The following ESRRB variants were observed in gnomAD, a reference collection of about 807,000 sequenced individuals.
ESRRB encodes estrogen related receptor beta.
In ESRRB, 16 loss-of-function variants were observed where a neutral mutation model predicts 46.0. The observed-to-expected ratio is 0.35, with a 90% confidence interval of 0.24 to 0.53. The LOEUF (loss-of-function observed/expected upper bound fraction) is 0.53, where lower values mean the gene tolerates loss of function less well. ESRRB is among the 20% of genes least tolerant of loss of function. The pLI is 0.93. For synonymous variants in ESRRB, 246 were observed against 259.6 expected (o/e 0.95, Z 0.50); for missense variants, 488 against 607.4 (o/e 0.80, Z 2.07).
At chr14:76,477,602 C>A (rs555596131) in intron 3 of ESRRB, among the ~76,000 whole-genome samples, 1 of 152,110 alleles carries the variant, frequency 6.6e-6, no homozygotes, top group African/African-American at 2.4e-5. Context: ...GGGCATGGGA[C>A]CTTCATTATC....
chr14:76,453,149 G>T (rs565746690), intron 2 of ESRRB, among the ~76,000 whole-genome samples: 1 of 152,364 alleles, frequency 6.6e-6, no homozygotes, highest in Non-Finnish European at 1.5e-5. Context: ...GTGTTCGAGA[G>T]AAAGCTCTTT....
At chr14:76,392,490 G>T (rs1885509492) in intron 1 of ESRRB, among the ~76,000 whole-genome samples, 1 of 152,224 alleles carries the variant, frequency 6.6e-6, no homozygotes, top group Admixed American at 6.5e-5. Flanking sequence ...TGGCGCAGTG[G>T]ATCCACTTGA....
intron 1 of ESRRB, among the ~76,000 whole-genome samples, chr14:76,404,911 A>C (rs1886110524): frequency 6.6e-6 from 1 of 152,178 alleles, no homozygotes; most frequent in Non-Finnish European, 1.5e-5. Flanking sequence ...GAACAGGGAC[A>C]GAGAGACCCA....
rs761684349 is a variant in ESRRB, at chr14:76,432,671, C to CTCTT, written c.51-6669_51-6668insCTTT. Among the ~76,000 whole-genome samples, 7 of 111,434 alleles carry CTCTT rather than the reference C, an allele frequency of 6.3e-5. 1 individual carries two copies. The highest frequency in any genetic ancestry group is 3.0e-4 in the South Asian group (1 of 3,320). 73.1% of individuals were successfully genotyped at this position (111,434 alleles called of 152,430 possible). On this transcript the variant is annotated intron_variant, in intron 1 of 6. Coordinates refer to ENST00000644823, the MANE Select transcript of ESRRB (RefSeq NM_001379180.1). ...TACTGAATAAGCTATTTCTCTCTCT[C>CTCTT]TTTTTTTTTTTTTTTTTTTTCTGAG...
Position 76,379,669 on chromosome 14 carries a change from C to T in ESRRB, c.50+3218C>T, listed in dbSNP as rs978891173. Among the ~76,000 whole-genome samples the T allele has an allele frequency of 5.3e-5, 8 of 151,960 alleles. No individual in the cohort carries two copies. The East Asian group carries it at 9.6e-4, about 18-fold the overall frequency. On this transcript the variant is annotated intron_variant, in intron 1 of 6. Transcript: ENST00000644823. ...GGTGGGAGGTGTTCAGGCCTGAAGG[C>T]GATGAACTGGGAGGAGACATTAGGT... is the stretch of plus-strand genomic sequence containing the variant.
intron 1 of ESRRB, among the ~76,000 whole-genome samples, chr14:76,311,430 G>A (rs1883732222): frequency 6.6e-6 from 1 of 152,138 alleles, no homozygotes; most frequent in East Asian, 1.9e-4. Flanking sequence ...GGAGCTTCCA[G>A]GTTCAGGGAG....
chr14:76,497,144 G>A (rs766389323), intron 6 of ESRRB, among the ~76,000 whole-genome samples: 3 of 152,122 alleles, frequency 2.0e-5, no homozygotes, highest in Non-Finnish European at 4.4e-5. Context: ...TACACACTCT[G>A]TAAGTGGCCG....
chr14:76,332,916 A>ATATACTTATATAT (rs1884054218), intron 1 of ESRRB, among the ~76,000 whole-genome samples: 2 of 40,946 alleles, frequency 4.9e-5, no homozygotes, highest in Non-Finnish European at 8.0e-5. Context: ...CTTATATATT[A>ATATACTTATATAT]TATATATTTA....
At chr14:76,453,783 TG>T (rs1188776515) in intron 2 of ESRRB, among the ~76,000 whole-genome samples, 1 of 151,990 alleles carries the variant, frequency 6.6e-6, no homozygotes, top group Non-Finnish European at 1.5e-5. Context: ...GCTAATTTTT[TG>T]TATTTTTGGT....
At chr14:76,445,222 C>T (rs1364880695) in intron 2 of ESRRB, among the ~76,000 whole-genome samples, 1 of 149,386 alleles carries the variant, frequency 6.7e-6, no homozygotes, top group Non-Finnish European at 1.5e-5. Flanking sequence ...GTAATCCCAG[C>T]ACTTTGGGAG....
At chr14:76,334,209 G>T (rs763251001) in intron 1 of ESRRB, among the ~76,000 whole-genome samples, 11 of 152,190 alleles carry the variant, frequency 7.2e-5, no homozygotes, top group Non-Finnish European at 1.5e-4. Flanking sequence ...GGCCTGGGTG[G>T]GTGGCGAGGG....
At chr14:76,326,373 T>A (rs1378052403) in intron 1 of ESRRB, among the ~76,000 whole-genome samples, 1 of 152,214 alleles carries the variant, frequency 6.6e-6, no homozygotes, top group Non-Finnish European at 1.5e-5. Context: ...TGGACAAATC[T>A]GGGTTCATAT....
At chr14:76,490,151 G>A (rs181766883) in intron 5 of ESRRB, among the ~76,000 whole-genome samples, 1 of 152,274 alleles carries the variant, frequency 6.6e-6, no homozygotes, top group Admixed American at 6.5e-5. Flanking sequence ...CATAGTGCAT[G>A]GTGCAAACAA....
chr14:76,336,112 A>G (rs1884123419), intron 1 of ESRRB, among the ~76,000 whole-genome samples: 1 of 152,212 alleles, frequency 6.6e-6, no homozygotes, highest in African/African-American at 2.4e-5. Flanking sequence ...CCATGTGGAA[A>G]GCAGGTCAGA....
intron 1 of ESRRB, among the ~76,000 whole-genome samples, chr14:76,421,860 G>T (rs2139889788): frequency 6.6e-6 from 1 of 152,316 alleles, no homozygotes; most frequent in East Asian, 1.9e-4. Flanking sequence ...GTGTGGTTGG[G>T]CGCTGGTAGG....
At chr14:76,313,328 A>G (rs2139719055) in intron 1 of ESRRB, among the ~76,000 whole-genome samples, 1 of 147,126 alleles carries the variant, frequency 6.8e-6, no homozygotes, top group South Asian at 2.2e-4. Context: ...TTTTTTTTTC[A>G]AACTGATTTC....
chr14:76,425,472 A>C (rs1298319603), intron 1 of ESRRB, among the ~76,000 whole-genome samples: 1 of 151,868 alleles, frequency 6.6e-6, no homozygotes, highest in Non-Finnish European at 1.5e-5. Context: ...GGCCTGCCTG[A>C]GCGCCCCTGG....
At chr14:76,385,328 C>T (rs780684810) in intron 1 of ESRRB, among the ~76,000 whole-genome samples, 1 of 152,078 alleles carries the variant, frequency 6.6e-6, no homozygotes, top group Non-Finnish European at 1.5e-5. Flanking sequence ...TCTGGCTGTG[C>T]TGCTTAGGTT....
intron 2 of ESRRB, among the ~76,000 whole-genome samples, chr14:76,454,529 A>AT (rs1210324323): frequency 6.6e-6 from 1 of 152,074 alleles, no homozygotes; most frequent in Admixed American, 6.5e-5. Flanking sequence ...GGCTCCAAGG[A>AT]TGTGGAGGAG....
Sources: gnomAD v4.1 joint callset for allele counts (sites outside exome capture counted in the v4.1 genomes callset) on GRCh38, gnomAD v4.1.1 for gene constraint, MANE v1.5 for transcripts, NCBI Gene and HGNC (gene_info 2026-07-23, HGNC 2026-07-21) for gene names.